The following IQGAP2 variants were observed in gnomAD, a reference collection of about 807,000 sequenced individuals.
IQGAP2 encodes ras GTPase-activating-like protein IQGAP2.
IQGAP2 carries 173 observed loss-of-function variants against 201.3 expected under a neutral mutation model. The observed-to-expected ratio is 0.86, with a 90% CI of 0.76 to 0.98. The LOEUF (loss-of-function observed/expected upper bound fraction) is 0.98, where lower values mean the gene tolerates loss of function less well. IQGAP2 is among the 50% of genes least tolerant of loss of function. IQGAP2 has a pLI of 0.00. For missense variants in IQGAP2, 1,687 were observed against 1,864.8 expected (o/e 0.90, Z 1.76); for synonymous variants, 675 against 673.9 (o/e 1.00, Z -0.03).
chr5:76,634,815 G>A (rs10037254), intron 15 of IQGAP2, among the ~76,000 whole-genome samples: 86,681 of 151,790 alleles, frequency 0.57, 24,815 homozygotes, highest in South Asian at 0.62. Flanking sequence ...ATATGTTCGC[G>A]TATAATTTTG....
At position 76,588,889 on chromosome 5, in the gene IQGAP2, G is replaced by C; in HGVS notation, c.459-17G>C. 1 of 1,509,128 alleles carries C rather than the reference G, an allele frequency of 6.6e-7. No homozygotes were observed. The highest frequency in any genetic ancestry group is 9.1e-7 in the Non-Finnish European group (1 of 1,097,032). The allele number at this position is 1,509,128 out of a possible 1,614,324, so 93.5% of individuals were successfully genotyped here. On this transcript the variant is annotated splice_polypyrimidine_tract_variant and intron_variant, in intron 5 of 35. Coordinates refer to ENST00000274364, the MANE Select transcript of IQGAP2 (RefSeq NM_006633.5). ...TGATGATAAAATTTCTGATAATTTT[G>C]TGTTTTTTTCTTTCAGTTTGTATCT...
At chr5:76,556,937 T>C (rs1743993402) in intron 2 of IQGAP2, among the ~76,000 whole-genome samples, 1 of 152,210 alleles carries the variant, frequency 6.6e-6, no homozygotes, top group Non-Finnish European at 1.5e-5. Context: ...CTGGACCATT[T>C]ACCCTGCCTG....
In IQGAP2 at chr5:76,589,734, T is replaced by C; in HGVS notation, c.640+6T>C. On this transcript the variant is annotated splice_donor_region_variant and intron_variant, in intron 7 of 35. Coordinates refer to ENST00000274364, the MANE Select transcript of IQGAP2 (RefSeq NM_006633.5). ...GTCCGTGGATGAAGCTGCATGTAAG[T>C]CCATTCAAAATCCAAACTTGCCATG... The C allele has an allele frequency of 6.4e-7, 1 of 1,551,866 alleles. No individual in the cohort carries two copies. Among genetic ancestry groups the C allele is most frequent in the Non-Finnish European group, 8.8e-7 (1 of 1,142,168 alleles).
At chr5:76,577,083 G>A (rs925602817) in intron 5 of IQGAP2, among the ~76,000 whole-genome samples, 2 of 152,234 alleles carry the variant, frequency 1.3e-5, no homozygotes, top group Non-Finnish European at 1.5e-5. Context: ...TAATGCCATT[G>A]CTACATGTGT....
At chr5:76,453,595 G>A (rs1053833071) in intron 1 of IQGAP2, among the ~76,000 whole-genome samples, 3 of 152,138 alleles carry the variant, frequency 2.0e-5, no homozygotes, top group African/African-American at 7.2e-5. Context: ...ATAGGGACAG[G>A]GTGTTAGCAG....
intron 1 of IQGAP2, among the ~76,000 whole-genome samples, chr5:76,406,116 A>G (rs1332239679): frequency 6.6e-6 from 1 of 152,172 alleles, no homozygotes; most frequent in Non-Finnish European, 1.5e-5. Context: ...ACACAAAGTA[A>G]CTAACTCAGC....
At chr5:76,549,262 G>T (rs909364678) in intron 2 of IQGAP2, among the ~76,000 whole-genome samples, 2 of 152,010 alleles carry the variant, frequency 1.3e-5, no homozygotes, top group East Asian at 3.8e-4. Flanking sequence ...AGTTACCCAA[G>T]GGGCACGTAA....
intron 27 of IQGAP2, 47 bp from the exon 28 acceptor site, chr5:76,677,171 A>G: frequency 6.4e-7 from 1 of 1,566,456 alleles, no homozygotes; most frequent in Non-Finnish European, 8.7e-7. Flanking sequence ...GAAACTGTTT[A>G]ATGCACATGT....
chr5:76,538,330 TG>T (rs1759744709), intron 2 of IQGAP2, among the ~76,000 whole-genome samples: 1 of 147,270 alleles, frequency 6.8e-6, no homozygotes, highest in African/African-American at 2.6e-5. Context: ...AGATGAGATT[TG>T]GGTGGGGACA....
chr5:76,632,758 T>C (rs1269577091), intron 15 of IQGAP2, among the ~76,000 whole-genome samples: 1 of 152,100 alleles, frequency 6.6e-6, no homozygotes, highest in Non-Finnish European at 1.5e-5. Context: ...TACAGGATAC[T>C]ATTCATCTTT....
At chr5:76,686,549 G>A (rs1355752090) in intron 30 of IQGAP2, among the ~76,000 whole-genome samples, 1 of 151,848 alleles carries the variant, frequency 6.6e-6, no homozygotes, top group African/African-American at 2.4e-5. Context: ...TCGCTCTGTC[G>A]CCCAGGCTGG....
chr5:76,514,720 ACT>A (rs1178567470), intron 2 of IQGAP2, among the ~76,000 whole-genome samples: 1 of 151,968 alleles, frequency 6.6e-6, no homozygotes, highest in African/African-American at 2.4e-5. Context: ...TTGTTCAGAC[ACT>A]CTTGCATTAA....
chr5:76,654,992 A>G lies in IQGAP2; in HGVS notation c.2309A>G (p.Tyr770Cys), dbSNP rs2150436383. The G allele has an allele frequency of 6.2e-7, 1 of 1,610,600 alleles. No individual in the cohort carries two copies. Among genetic ancestry groups the G allele is most frequent in the East Asian group, 2.2e-5 (1 of 44,830 alleles). Residue 770 changes from tyrosine to cysteine, a missense_variant, in exon 20 of 36, where the codon TAC becomes TGC. Coordinates refer to ENST00000274364, the MANE Select transcript of IQGAP2 (RefSeq NM_006633.5). ...LLRANKARDD[Y>C]KTLVGSENPP... ...AGAGCGAACAAAGCTAGAGATGACTACAAAACATTGGGTAAGTGAGAGCTT... is the reference window on the plus strand; with the variant it reads ...AGAGCGAACAAAGCTAGAGATGACTGCAAAACATTGGGTAAGTGAGAGCTT...
chr5:76,494,010 AT>A (rs779918503), intron 2 of IQGAP2, among the ~76,000 whole-genome samples: 2 of 152,330 alleles, frequency 1.3e-5, no homozygotes, highest in Admixed American at 6.5e-5. Flanking sequence ...TATATGCTAG[AT>A]CATCTCTAGA....
At chr5:76,626,260 TTCTTC>T (rs1446245163) in intron 13 of IQGAP2, among the ~76,000 whole-genome samples, 5 of 87,370 alleles carry the variant, frequency 5.7e-5, no homozygotes, top group Non-Finnish European at 6.6e-5. Flanking sequence ...TTTCTTTTTT[TTCTTC>T]TTTTCTTTTT....
intron 27 of IQGAP2, among the ~76,000 whole-genome samples, chr5:76,675,845 A>G (rs1194252946): frequency 6.7e-6 from 1 of 150,236 alleles, no homozygotes; most frequent in Non-Finnish European, 1.5e-5. Context: ...TTTTCAAGCT[A>G]ATTTTTCATT....
chr5:76,632,460 G>C (rs1561532847), intron 15 of IQGAP2, among the ~76,000 whole-genome samples: 1 of 152,146 alleles, frequency 6.6e-6, no homozygotes, highest in African/African-American at 2.4e-5. Flanking sequence ...AGTTGGCAAA[G>C]CTAGGCAACT....
chr5:76,503,164 CTTTTCTTTTCT>C (rs1580335662), intron 2 of IQGAP2, among the ~76,000 whole-genome samples: 6 of 122,108 alleles, frequency 4.9e-5, no homozygotes, highest in Admixed American at 1.9e-4. Flanking sequence ...TTTTCTTTTT[CTTTTCTTTTCT>C]TTTTTTTTTT....
At chr5:76,567,590 GAGTATAATATTTGGACTTGA>G (rs1274368325) in intron 3 of IQGAP2, among the ~76,000 whole-genome samples, 1 of 152,160 alleles carries the variant, frequency 6.6e-6, no homozygotes, top group Admixed American at 6.5e-5. Flanking sequence ...GCAGTAAAAT[GAGTATAATATTTGGACTTGA>G]AGTCCAAATA....
Sources: gnomAD v4.1 joint callset for allele counts (sites outside exome capture counted in the v4.1 genomes callset) on GRCh38, gnomAD v4.1.1 for gene constraint, MANE v1.5 for transcripts, NCBI Gene and HGNC (gene_info 2026-07-23, HGNC 2026-07-21) for gene names.